APOA2: variants seen among roughly 807,000 people sequenced by gnomAD.
APOA2 encodes apolipoprotein A-II.
In APOA2, 3 loss-of-function variants were observed where a neutral mutation model predicts 7.4. The observed-to-expected ratio is 0.41, with a 90% CI of 0.18 to 1.05. The LOEUF is 1.05. APOA2 is among the 50% of genes least tolerant of loss of function. The pLI is 0.33. For synonymous variants in APOA2, 42 were observed against 47.8 expected (o/e 0.88, Z 0.50); for missense variants, 90 against 116.3 (o/e 0.77, Z 1.04).
At position 161,223,408 on chromosome 1, in the gene APOA2, A is replaced by G; in HGVS notation, c.-7T>C. 6.2e-7 allele frequency: 1 copy of G among 1,613,086 alleles called. No individual in the cohort carries two copies. The highest frequency in any genetic ancestry group is 1.3e-5 in the African/African-American group (1 of 75,046). ...TTGCTGCGAGCAGCTTCATGTTGGT[A>G]ACAGTGGGGAGGGCGGCCTAGGAAG... On this transcript the variant is annotated 5_prime_UTR_variant, in exon 2 of 4. Coordinates refer to ENST00000367990, the MANE Select transcript of APOA2 (RefSeq NM_001643.2).
At position 161,223,437 on chromosome 1, in the gene APOA2, G is replaced by C. The variant is rs1350318600; in HGVS notation, c.-24-12C>G. On this transcript the variant is annotated splice_polypyrimidine_tract_variant and intron_variant, in intron 1 of 3. Transcript: ENST00000367990. ...GTGGGGAGGGCGGCCTAGGAAGAGG[G>C]TGGTGGGGGTTTGGGGGACACTGAA... is the stretch of plus-strand genomic sequence containing the variant. The C allele has an allele frequency of 6.2e-7, 1 of 1,604,604 alleles. No individual in the cohort carries two copies. The highest frequency in any genetic ancestry group is 1.3e-5 in the African/African-American group (1 of 74,774).
chr1:161,222,663 GT>G, intron 3 of APOA2, 141 bp from the exon 4 acceptor site: 1 of 939,544 alleles, frequency 1.1e-6, no homozygotes, highest in Non-Finnish European at 1.7e-6. Flanking sequence ...AAGCCCCTAG[GT>G]AGGAATAGAG....
At chr1:161,223,086 C>A in intron 2 of APOA2, 36 bp from the exon 3 acceptor site, 2 of 1,395,524 alleles carry the variant, frequency 1.4e-6, no homozygotes, top group Non-Finnish European at 2.0e-6. Flanking sequence ...CACACACACA[C>A]ACACACACTC....
intron 2 of APOA2, 37 bp from the exon 3 acceptor site, chr1:161,223,087 A>T (rs773516734): frequency 3.1e-5 from 37 of 1,194,328 alleles, no homozygotes; most frequent in Non-Finnish European, 4.2e-5. Flanking sequence ...ACACACACAC[A>T]CACACACTCT....
rs775553389 is a variant in APOA2 at position 161,222,531 on chromosome 1, G to A, written c.186-9C>T. The A allele has an allele frequency of 6.2e-7, 1 of 1,610,186 alleles. No homozygotes were observed. Among genetic ancestry groups the A allele is most frequent in the Admixed American group, 1.7e-5 (1 of 60,022 alleles). On this transcript the variant is annotated splice_polypyrimidine_tract_variant and intron_variant, in intron 3 of 3. Transcript: ENST00000367990. Reference sequence around the variant, plus strand: ...ACTTTTCAAAGTAAGACCTGGATAGGTGAGGGGATTAGAGTTTAATCTGAG... The same window carrying A: ...ACTTTTCAAAGTAAGACCTGGATAGATGAGGGGATTAGAGTTTAATCTGAG...
chr1:161,222,418 G>A lies in APOA2; in HGVS notation c.290C>T (p.Pro97Leu). Residue 97 changes from proline to leucine, a missense_variant, in exon 4 of 4, where the codon CCT becomes CTT. By Grantham distance (98) the Pro-to-Leu change is moderately conservative. Transcript: ENST00000367990. ...LSYFVELGTQPATQ is the reference protein window; with the variant it reads ...LSYFVELGTQLATQ ...GGTCTGGACACTTCACTGGGTGGCAGGCTGTGTTCCAAGTTCCACGAAATA... is the reference window on the plus strand; with the variant it reads ...GGTCTGGACACTTCACTGGGTGGCAAGCTGTGTTCCAAGTTCCACGAAATA... 6.2e-7 allele frequency: 1 copy of A among 1,614,140 alleles called. No individual in the cohort carries two copies. The highest frequency in any genetic ancestry group is 8.5e-7 in the Non-Finnish European group (1 of 1,179,964).
Position 161,222,910 on chromosome 1 carries a change from A to G in APOA2, c.185+8T>C. 1 of 1,614,076 alleles carries G rather than the reference A, an allele frequency of 6.2e-7. No individual in the cohort carries two copies. The highest frequency in any genetic ancestry group is 8.5e-7 in the Non-Finnish European group (1 of 1,180,012). On this transcript the variant is annotated splice_region_variant and intron_variant, in intron 3 of 3. Coordinates refer to ENST00000367990, the MANE Select transcript of APOA2 (RefSeq NM_001643.2). ...CACAGCCCCTGAACCCCTTGCCCTG[A>G]GACTTACTTGGCCTCGGCCTGAAGC... is the stretch of plus-strand genomic sequence containing the variant.
Position 161,223,008 on chromosome 1 carries a change from C to T in APOA2, c.95G>A (p.Ser32Asn), listed in dbSNP as rs766440167. The T allele has an allele frequency of 6.2e-7, 1 of 1,613,986 alleles. No homozygotes were observed. The highest frequency in any genetic ancestry group is 1.3e-5 in the African/African-American group (1 of 74,958). The change falls in exon 3 of 4, where the codon AGC becomes AAC. Residue 32 changes from serine to asparagine, a missense_variant. Ser to Asn is a conservative substitution (Grantham distance 46). Transcript: ENST00000367990. ...RRQAKEPCVE[S>N]LVSQYFQTVT... ...GGTCTGGAAGTACTGAGAAACCAGG[C>T]TCTCCACACATGGCTCCTTTGCCTG... is the stretch of plus-strand genomic sequence containing the variant.
intron 1 of APOA2, 61 bp from the exon 2 acceptor site, chr1:161,223,486 C>A (rs921540720): frequency 1.5e-6 from 2 of 1,368,254 alleles, no homozygotes; most frequent in Admixed American, 3.8e-5. Context: ...CAGCTCCTCC[C>A]CAGGGATCTC....
rs779237488 is a variant in APOA2, at chr1:161,223,423, G to A, written c.-22C>T. The A allele has an allele frequency of 1.1e-5, 17 of 1,610,476 alleles. No individual in the cohort carries two copies. Among genetic ancestry groups the A allele is most frequent in the East Asian group, 8.9e-5 (4 of 44,850 alleles). On this transcript the variant is annotated splice_region_variant and 5_prime_UTR_variant, in exon 2 of 4. Coordinates refer to ENST00000367990, the MANE Select transcript of APOA2 (RefSeq NM_001643.2). ...TCATGTTGGTAACAGTGGGGAGGGC[G>A]GCCTAGGAAGAGGGTGGTGGGGGTT...
intron 3 of APOA2, 124 bp downstream of exon 3, chr1:161,222,794 C>T: frequency 1.4e-6 from 2 of 1,413,608 alleles, no homozygotes; most frequent in Admixed American, 1.8e-5. Flanking sequence ...TACTTTTTCT[C>T]TGCAATTTAA....
At chr1:161,223,088 C>T (rs762871129) in intron 2 of APOA2, 38 bp from the exon 3 acceptor site, 4 of 1,310,392 alleles carry the variant, frequency 3.1e-6, no homozygotes, top group Non-Finnish European at 4.2e-6. Context: ...CACACACACA[C>T]ACACACTCTT....
rs1558092315 is a variant in APOA2, at chr1:161,223,375, T to C, written c.27A>G (p.Leu9=). 1 of 1,613,860 alleles carries C rather than the reference T, an allele frequency of 6.2e-7. No homozygotes were observed. The highest frequency in any genetic ancestry group is 8.5e-7 in the Non-Finnish European group (1 of 1,179,944). The change falls in exon 2 of 4, where the codon CTA becomes CTG. Residue 9 remains leucine (L), a synonymous_variant. Coordinates refer to ENST00000367990, the MANE Select transcript of APOA2 (RefSeq NM_001643.2). ...CTTCAAGGCTGCAGATGGTGAGGAG[T>C]AGCACAGTTGCTGCGAGCAGCTTCA... MKLLAATV[L]LLTICSLEGA...
At position 161,222,441 on chromosome 1, in the gene APOA2, A is replaced by T; in HGVS notation, c.267T>A (p.Tyr89Ter). ...AGTELVNFLS[Y>*]FVELGTQPAT... Reference sequence around the variant, plus strand: ...CAGGCTGTGTTCCAAGTTCCACGAAATAGCTCAAGAAGTTAACCAGTTCCG... The same window carrying T: ...CAGGCTGTGTTCCAAGTTCCACGAATTAGCTCAAGAAGTTAACCAGTTCCG... The change falls in exon 4 of 4, where the codon TAT becomes TAA. Residue 89 changes from tyrosine (Y) to a stop codon, truncating the protein, a stop_gained. Coordinates refer to ENST00000367990, the MANE Select transcript of APOA2 (RefSeq NM_001643.2). LOFTEE classifies it low-confidence loss of function (END_TRUNC). 6.2e-7 allele frequency: 1 copy of T among 1,614,208 alleles called. No homozygotes were observed. Among genetic ancestry groups the T allele is most frequent in the Non-Finnish European group, 8.5e-7 (1 of 1,180,034 alleles).
intron 2 of APOA2, 98 bp from the exon 3 acceptor site, chr1:161,223,148 C>T (rs545602457): frequency 1.1e-5 from 18 of 1,593,552 alleles, no homozygotes; most frequent in Non-Finnish European, 1.5e-5. Context: ...ATACCTCTGC[C>T]AGTACCCACC....
chr1:161,223,169 GC>G, intron 2 of APOA2, 119 bp from the exon 3 acceptor site: 1 of 1,571,276 alleles, frequency 6.4e-7, no homozygotes, highest in Non-Finnish European at 8.6e-7. Context: ...CCAGCTCTCT[GC>G]CCCCTCCCCA....
Position 161,223,053 on chromosome 1 carries a change from GCCCACACACACA to G in APOA2, c.53-15_53-4del, listed in dbSNP as rs755832871. 1.3e-6 allele frequency: 2 copies of G among 1,582,468 alleles called. No homozygotes were observed. The highest frequency in any genetic ancestry group is 4.6e-5 in the East Asian group (2 of 43,626). On this transcript the variant is annotated splice_region_variant and splice_polypyrimidine_tract_variant and intron_variant, in intron 2 of 3. Coordinates refer to ENST00000367990, the MANE Select transcript of APOA2 (RefSeq NM_001643.2). ...TGCCTGTCTCCGAACCAAAGCTCCTGCCCACACACACACACACACACACACACACACACACAC... is the reference window on the plus strand; with the variant it reads ...TGCCTGTCTCCGAACCAAAGCTCCTGCACACACACACACACACACACACAC...
At chr1:161,222,853 C>A in intron 3 of APOA2, 65 bp downstream of exon 3, 27 of 1,612,120 alleles carry the variant, frequency 1.7e-5, no homozygotes, top group Non-Finnish European at 1.8e-5. Context: ...TCTGTGGGAC[C>A]TCTCATCTTC....
At chr1:161,223,457 A>C (rs776500643) in intron 1 of APOA2, 32 bp from the exon 2 acceptor site, 1 of 1,572,120 alleles carries the variant, frequency 6.4e-7, no homozygotes. Flanking sequence ...TTTGGGGGAC[A>C]CTGAAGCCAA....
Sources: allele counts gnomAD v4.1 joint callset, GRCh38; gene constraint gnomAD v4.1.1; transcripts MANE v1.5; gene names NCBI Gene and HGNC (gene_info 2026-07-23, HGNC 2026-07-21).